Variants in SYMPK observed in about 807,000 individuals in gnomAD.
SYMPK encodes symplekin.
A neutral mutation model predicts 136.4 loss-of-function variants in SYMPK; 49 were observed. The observed-to-expected ratio is 0.36, with a 90% CI of 0.29 to 0.46. The LOEUF (loss-of-function observed/expected upper bound fraction) is 0.46. Ranked by LOEUF, SYMPK falls within the 20% of genes least tolerant of loss-of-function variation. The pLI, the probability that SYMPK is intolerant of heterozygous loss-of-function variation, is 1.00. For synonymous variants in SYMPK, 766 were observed against 713.0 expected (o/e 1.07, Z -1.19); for missense variants, 1,365 against 1,690.0 (o/e 0.81, Z 3.37).
intron 1 of SYMPK, chr19:45,855,788 G>A (rs1477561063): frequency 6.6e-6 from 1 of 152,078 alleles, no homozygotes; most frequent in Non-Finnish European, 1.5e-5. Flanking sequence ...TTGAGCCTAG[G>A]AGTCGGAGAG....
In SYMPK at chr19:45,827,570, C is replaced by G; in HGVS notation, c.2121G>C (p.Pro707=). Residue 707 remains proline (P), a synonymous_variant, in exon 16 of 27, where the codon CCG becomes CCC. Coordinates refer to ENST00000245934, the MANE Select transcript of SYMPK (RefSeq NM_004819.3). The part of the protein sequence containing the change: ...STLRDLIFKR[P]SRQFQYLHVL... ...CATGCAGGTACTGGAACTGGCGGGA[C>G]GGGCGCTTGAAGATCAGGTCTCGAA... 1.2e-6 allele frequency: 2 copies of G among 1,614,062 alleles called. No homozygotes were observed. The highest frequency in any genetic ancestry group is 4.5e-5 in the East Asian group (2 of 44,870).
intron 11 of SYMPK, among the ~76,000 whole-genome samples, chr19:45,832,359 C>T (rs1322327014): frequency 6.6e-6 from 1 of 152,018 alleles, no homozygotes; most frequent in Non-Finnish European, 1.5e-5. Context: ...CCAGGCTGGT[C>T]TTGAACTGCT....
At position 45,815,419 on chromosome 19, in the gene SYMPK, T is replaced by G; in HGVS notation, c.*141A>C. The G allele has an allele frequency of 9.9e-6, 9 of 907,240 alleles. No homozygotes were observed. The highest frequency in any genetic ancestry group is 1.2e-5 in the Non-Finnish European group (8 of 646,288). 56.2% of individuals were successfully genotyped at this position (907,240 alleles called of 1,614,324 possible). On this transcript the variant is annotated 3_prime_UTR_variant, in exon 27 of 27. Transcript: ENST00000245934. ...CGGCACCCGCGCCCCAGGCCCGCCA[T>G]CCCTTTTTTTTTTTCTTTTCAGTAA... is the stretch of plus-strand genomic sequence containing the variant.
chr19:45,816,876 C>T lies in SYMPK; in HGVS notation c.3180G>A (p.Gln1060=). ...FQVILQLPPQ[Q]LGAVFDKCPE... The stretch of plus-strand genomic sequence containing the variant: ...GGCACTTGTCAAAGACGGCTCCCAG[C>T]TGCTGGGGCGGCAGCTGCAGGATGA... Residue 1060 remains glutamine, a synonymous_variant, in exon 24 of 27, where the codon CAG becomes CAA. Coordinates refer to ENST00000245934, the MANE Select transcript of SYMPK (RefSeq NM_004819.3). 1 of 1,550,498 alleles carries T rather than the reference C, an allele frequency of 6.4e-7. No individual in the cohort carries two copies. The highest frequency in any genetic ancestry group is 8.7e-7 in the Non-Finnish European group (1 of 1,147,180).
At chr19:45,822,304 G>A (rs1216497760) in intron 21 of SYMPK, among the ~76,000 whole-genome samples, 1 of 152,022 alleles carries the variant, frequency 6.6e-6, no homozygotes, top group Non-Finnish European at 1.5e-5. Flanking sequence ...ATTTTTAGTA[G>A]AGACGGGGTT....
intron 1 of SYMPK, among the ~76,000 whole-genome samples, chr19:45,860,720 C>T (rs948333864): frequency 2.0e-5 from 3 of 152,128 alleles, no homozygotes; most frequent in Admixed American, 6.6e-5. Flanking sequence ...CTCAGCTCAC[C>T]GCAATCTCTG....
intron 8 of SYMPK, 87 bp from the exon 9 acceptor site, chr19:45,842,576 T>C: frequency 6.4e-7 from 1 of 1,555,582 alleles, no homozygotes; most frequent in Non-Finnish European, 8.7e-7. Context: ...ACTTGGGCAG[T>C]GGTCTTGCAG....
At chr19:45,832,855 CAAAAAA>C (rs10561490) in intron 11 of SYMPK, among the ~76,000 whole-genome samples, 32 of 118,656 alleles carry the variant, frequency 2.7e-4, no homozygotes, top group South Asian at 5.4e-4. Flanking sequence ...ACTAAAAATA[CAAAAAA>C]AAAAAAAAAA....
At position 45,821,043 on chromosome 19, in the gene SYMPK, C is replaced by T. The variant is rs1047357067; in HGVS notation, c.2893+341G>A. ...CCTGCTGCTGCGCCTCTACCACTCACGGTGTGCCCTGCTTCCTTCTGTTCC... is the reference window on the plus strand; with the variant it reads ...CCTGCTGCTGCGCCTCTACCACTCATGGTGTGCCCTGCTTCCTTCTGTTCC... On this transcript the variant is annotated intron_variant, in intron 22 of 26. Transcript: ENST00000245934. This position sits in a 1 kb window ranked among gnomAD's most constrained non-coding sequence, Gnocchi z 4.4. 3.3e-5 allele frequency: 20 copies of T among 614,760 alleles called. No individual in the cohort carries two copies. The highest frequency in any genetic ancestry group is 2.5e-4 in the Middle Eastern group (1 of 3,936). The allele number at this position is 614,760 out of a possible 1,614,324, so 38.1% of individuals were successfully genotyped here. A position where few individuals can be genotyped will look rare whatever the true frequency, so the allele number is the denominator to read the frequency against.
In SYMPK at chr19:45,827,504, G is replaced by T; in HGVS notation, c.2181+6C>A. On this transcript the variant is annotated splice_donor_region_variant and intron_variant, in intron 16 of 26. Transcript: ENST00000245934. ...AGGGCAGCCAGGAAGTGGAGGAGGG[G>T]ATCACCTTGTCCTTCTCATGGGAGC... The T allele has an allele frequency of 1.9e-6, 3 of 1,609,084 alleles. No homozygotes were observed. Among genetic ancestry groups the T allele is most frequent in the South Asian group, 1.1e-5 (1 of 90,954 alleles).
intron 22 of SYMPK, chr19:45,819,007 G>C (rs941897436): frequency 6.6e-6 from 1 of 151,856 alleles, no homozygotes; most frequent in Non-Finnish European, 1.5e-5. Flanking sequence ...CTCTAAGGGG[G>C]GGGGCGTAGA....
intron 8 of SYMPK, among the ~76,000 whole-genome samples, chr19:45,843,287 A>C (rs1179537757): frequency 6.6e-6 from 1 of 152,160 alleles, no homozygotes; most frequent in Non-Finnish European, 1.5e-5. Context: ...AAAATGGAGA[A>C]ACAAAGAGCT....
intron 1 of SYMPK, among the ~76,000 whole-genome samples, chr19:45,860,037 G>C (rs1053495299): frequency 5.3e-5 from 8 of 151,684 alleles, no homozygotes; most frequent in Non-Finnish European, 1.2e-4. Flanking sequence ...GGCTAAGGTG[G>C]GAGGATTGTT....
Position 45,815,415 on chromosome 19 carries a change from G to C in SYMPK, c.*145C>G, listed in dbSNP as rs1007063399. On this transcript the variant is annotated 3_prime_UTR_variant, in exon 27 of 27. Coordinates refer to ENST00000245934, the MANE Select transcript of SYMPK (RefSeq NM_004819.3). Reference sequence around the variant, plus strand: ...GAGACGGCACCCGCGCCCCAGGCCCGCCATCCCTTTTTTTTTTTCTTTTCA... The same window carrying C: ...GAGACGGCACCCGCGCCCCAGGCCCCCCATCCCTTTTTTTTTTTCTTTTCA... 22 of 970,492 alleles carry C rather than the reference G, an allele frequency of 2.3e-5. No individual in the cohort carries two copies. Among genetic ancestry groups the C allele is most frequent in the Middle Eastern group, 6.6e-4 (2 of 3,036 alleles). 60.1% of individuals were successfully genotyped at this position (970,492 alleles called of 1,614,324 possible).
intron 1 of SYMPK, among the ~76,000 whole-genome samples, 191 bp downstream of exon 1, chr19:45,862,867 G>A (rs1472494842): frequency 6.6e-6 from 1 of 152,192 alleles, no homozygotes; most frequent in East Asian, 1.9e-4. Context: ...GGTGGCGCCC[G>A]GGGGGCCACG....
At chr19:45,829,993 G>A in intron 13 of SYMPK, 61 bp downstream of exon 13, 1 of 1,498,392 alleles carries the variant, frequency 6.7e-7, no homozygotes, top group Non-Finnish European at 9.0e-7. Flanking sequence ...TTCGCTGGAT[G>A]TGAGGTAGAC....
In SYMPK at chr19:45,816,380, C is replaced by T. The variant is rs1970737722; in HGVS notation, c.3354+102G>A. On this transcript the variant is annotated intron_variant, in intron 25 of 26. Transcript: ENST00000245934. ...CGGGTGGCCCAGAGGCAGGGGTGGCCTGAGTCTCTCGGGGTCAGGAGGAGG... is the reference window on the plus strand; with the variant it reads ...CGGGTGGCCCAGAGGCAGGGGTGGCTTGAGTCTCTCGGGGTCAGGAGGAGG... 5 of 1,446,710 alleles carry T rather than the reference C, an allele frequency of 3.5e-6. No individual in the cohort carries two copies. In the East Asian group the frequency reaches 1.2e-4, roughly 36 times the overall value. 89.6% of individuals were successfully genotyped at this position (1,446,710 alleles called of 1,614,324 possible). A position where few individuals can be genotyped will look rare whatever the true frequency, so the allele number is the denominator to read the frequency against.
intron 16 of SYMPK, among the ~76,000 whole-genome samples, chr19:45,826,974 G>A (rs568723523): frequency 5.9e-5 from 9 of 152,326 alleles, no homozygotes; most frequent in Admixed American, 5.9e-4. Context: ...TGATTTTCCA[G>A]GTCTCAGCGT....
In SYMPK at chr19:45,858,672, C is replaced by T. The variant is rs539267385; in HGVS notation, c.-12-4165G>A. Among the ~76,000 whole-genome samples, 5 of 152,264 alleles carry T rather than the reference C, an allele frequency of 3.3e-5. No homozygotes were observed. In the South Asian group the frequency reaches 8.3e-4, roughly 25 times the overall value. On this transcript the variant is annotated intron_variant, in intron 1 of 26. Transcript: ENST00000245934. ...CTGGGATTACAGGCATGTGCCACCA[C>T]GCCTGGCTAATTTTGTATTTTTAGT...
Sources: gnomAD v4.1 joint callset for allele counts (sites outside exome capture counted in the v4.1 genomes callset) on GRCh38, gnomAD v4.1.1 for gene constraint, Gnocchi (gnomAD v3.1) non-coding constraint, MANE v1.5 for transcripts, NCBI Gene and HGNC (gene_info 2026-07-23, HGNC 2026-07-21) for gene names.